PTPN12: variants seen among roughly 807,000 people sequenced by gnomAD.
PTPN12 encodes tyrosine-protein phosphatase non-receptor type 12.
A neutral mutation model predicts 97.6 loss-of-function variants in PTPN12; 29 were observed. The observed-to-expected ratio is 0.30, with a 90% CI of 0.22 to 0.41. The LOEUF (loss-of-function observed/expected upper bound fraction) is 0.41. Ranked by LOEUF, PTPN12 falls within the 10% of genes least tolerant of loss-of-function variation. The probability of loss-of-function intolerance (pLI) is 1.00; values close to 1 mark genes in which losing one functional copy is unlikely to be tolerated. For missense variants in PTPN12, 819 were observed against 926.0 expected (o/e 0.88, Z 1.50); for synonymous variants, 327 against 300.4 (o/e 1.09, Z -0.91).
chr7:77,581,557 A>G, intron 3 of PTPN12, 54 bp downstream of exon 3: 1 of 1,167,118 alleles, frequency 8.6e-7, no homozygotes, highest in Non-Finnish European at 1.2e-6. Context: ...CTTTCTACAT[A>G]CTAGTTTTGT....
At chr7:77,606,904 G>A (rs1226423494) in intron 8 of PTPN12, 3 of 181,888 alleles carry the variant, frequency 1.6e-5, no homozygotes, top group African/African-American at 7.2e-5. Flanking sequence ...AACCTCAACA[G>A]TAGTGAGGTA....
intron 6 of PTPN12, among the ~76,000 whole-genome samples, chr7:77,597,059 T>A (rs1482820579): frequency 6.6e-6 from 1 of 152,180 alleles, no homozygotes; most frequent in Non-Finnish European, 1.5e-5. Flanking sequence ...CAACCCTAGG[T>A]AGTCATTATT....
At chr7:77,638,988 T>TA in intron 17 of PTPN12, 2 of 722,614 alleles carry the variant, frequency 2.8e-6, no homozygotes, top group Non-Finnish European at 4.1e-6. Context: ...TACATTGTGA[T>TA]AAAATTGGTT....
chr7:77,568,283 A>C (rs917883565), intron 1 of PTPN12, among the ~76,000 whole-genome samples: 11 of 152,246 alleles, frequency 7.2e-5, no homozygotes, highest in Admixed American at 6.5e-4. Context: ...GTCATTTCAC[A>C]TAAAAGCTTT....
At chr7:77,539,663 C>T (rs1218364630) in intron 1 of PTPN12, among the ~76,000 whole-genome samples, 4 of 152,088 alleles carry the variant, frequency 2.6e-5, no homozygotes, top group Non-Finnish European at 5.9e-5. Flanking sequence ...GCTCTACGCT[C>T]TGTCGCCCCG....
intron 12 of PTPN12, among the ~76,000 whole-genome samples, chr7:77,623,670 C>G (rs1436443535): frequency 6.6e-6 from 1 of 152,160 alleles, no homozygotes. Flanking sequence ...GCTGAGATTG[C>G]ACCACTGTAC....
In PTPN12 at chr7:77,592,190, A is replaced by G. The variant is rs1584157684; in HGVS notation, c.426A>G (p.Lys142=). 1.2e-6 allele frequency: 2 copies of G among 1,600,254 alleles called. No individual in the cohort carries two copies. The highest frequency in any genetic ancestry group is 2.2e-5 in the East Asian group (1 of 44,782). ...ACREFEMGRK[K]CERYWPLYGE... Reference sequence around the variant, plus strand: ...TTTTTTTTTTTGGATGACAGAAAAAATGTGAGCGCTATTGGCCTTTGTATG... The same window carrying G: ...TTTTTTTTTTTGGATGACAGAAAAAGTGTGAGCGCTATTGGCCTTTGTATG... The change falls in exon 6 of 18, where the codon AAA becomes AAG. Residue 142 remains lysine (K), a synonymous_variant. Transcript: ENST00000248594.
intron 8 of PTPN12, among the ~76,000 whole-genome samples, chr7:77,602,707 G>A (rs1788229067): frequency 6.6e-6 from 1 of 151,776 alleles, no homozygotes; most frequent in Non-Finnish European, 1.5e-5. Flanking sequence ...CATTATATAG[G>A]TATGGGTTTC....
At chr7:77,629,783 G>T (rs138003578) in intron 13 of PTPN12, among the ~76,000 whole-genome samples, 1 of 151,898 alleles carries the variant, frequency 6.6e-6, no homozygotes, top group African/African-American at 2.4e-5. Context: ...CTCTACAAAA[G>T]ATAAAAAACT....
Position 77,603,507 on chromosome 7 carries a change from C to T in PTPN12, c.695+2701C>T, listed in dbSNP as rs530631442. Among the ~76,000 whole-genome samples the T allele has an allele frequency of 5.9e-5, 9 of 152,218 alleles. No homozygotes were observed. The East Asian group carries it at 1.3e-3, about 23-fold the overall frequency. On this transcript the variant is annotated intron_variant, in intron 8 of 17. Coordinates refer to ENST00000248594, the MANE Select transcript of PTPN12 (RefSeq NM_002835.4). ...TATTGTTTTGTTTTATTTTGTTTGA[C>T]GGAGTTTTGCTCTTGTTGCCCAGGC... is the stretch of plus-strand genomic sequence containing the variant.
chr7:77,537,782 G>C, intron 1 of PTPN12, 137 bp downstream of exon 1: 2 of 994,042 alleles, frequency 2.0e-6, no homozygotes, highest in Non-Finnish European at 2.7e-6. Context: ...CGGGTGAGCC[G>C]GGTGGTCTCG....
chr7:77,564,746 G>GTGTTTT (rs1808163614), intron 1 of PTPN12, among the ~76,000 whole-genome samples: 3 of 45,404 alleles, frequency 6.6e-5, no homozygotes, highest in East Asian at 8.1e-4. Flanking sequence ...TTGTTGTCGT[G>GTGTTTT]TTTTTTTTTT....
At chr7:77,575,706 T>C (rs759784393) in intron 2 of PTPN12, among the ~76,000 whole-genome samples, 1 of 152,154 alleles carries the variant, frequency 6.6e-6, no homozygotes, top group East Asian at 1.9e-4. Flanking sequence ...TACAATCTAG[T>C]TTTAGGACAT....
chr7:77,552,417 C>G (rs571541096), intron 1 of PTPN12, among the ~76,000 whole-genome samples: 1 of 151,618 alleles, frequency 6.6e-6, no homozygotes, highest in East Asian at 1.9e-4. Flanking sequence ...TTTATAAGGT[C>G]TCAGCATCAT....
At chr7:77,590,030 T>C (rs183139399) in intron 5 of PTPN12, among the ~76,000 whole-genome samples, 1 of 152,352 alleles carries the variant, frequency 6.6e-6, no homozygotes, top group East Asian at 1.9e-4. Flanking sequence ...ATCTTGACTT[T>C]GAATGTGACC....
In PTPN12 at chr7:77,537,656, C is replaced by T; in HGVS notation, c.99+11C>T. 1.3e-6 allele frequency: 2 copies of T among 1,582,330 alleles called. No individual in the cohort carries two copies. Among genetic ancestry groups the T allele is most frequent in the Non-Finnish European group, 1.7e-6 (2 of 1,166,000 alleles). ...GCCCGGGACTTCATGGTGAGTCTCT[C>T]CCCTCGCTGTCGCGTTTTCTTGCCG... On this transcript the variant is annotated intron_variant, in intron 1 of 17. Coordinates refer to ENST00000248594, the MANE Select transcript of PTPN12 (RefSeq NM_002835.4).
intron 2 of PTPN12, among the ~76,000 whole-genome samples, chr7:77,580,460 T>A (rs1787478594): frequency 6.6e-6 from 1 of 152,212 alleles, no homozygotes; most frequent in Non-Finnish European, 1.5e-5. Context: ...GTGTAGTAGT[T>A]TTTCAAAGTA....
chr7:77,596,930 A>C (rs1306441961), intron 6 of PTPN12, among the ~76,000 whole-genome samples: 1 of 152,168 alleles, frequency 6.6e-6, no homozygotes, highest in Non-Finnish European at 1.5e-5. Flanking sequence ...GGTGCTATAC[A>C]TTCTGTGGGT....
chr7:77,593,376 A>G (rs947088785), intron 6 of PTPN12, among the ~76,000 whole-genome samples: 2 of 152,148 alleles, frequency 1.3e-5, no homozygotes, highest in African/African-American at 4.8e-5. Context: ...ATGTGTATAC[A>G]TTTAAGGAGA....
Sources: allele counts gnomAD v4.1 joint callset (sites outside exome capture counted in the v4.1 genomes callset), GRCh38; gene constraint gnomAD v4.1.1; transcripts MANE v1.5; gene names NCBI Gene and HGNC (gene_info 2026-07-23, HGNC 2026-07-21).